DPH6: variants seen among roughly 807,000 people sequenced by gnomAD.
DPH6 encodes diphthine--ammonia ligase.
A neutral mutation model predicts 38.2 loss-of-function variants in DPH6; 33 were observed. The observed-to-expected ratio is 0.86, with a 90% CI of 0.65 to 1.15. The LOEUF (loss-of-function observed/expected upper bound fraction) is 1.15, where lower values mean the gene tolerates loss of function less well. Among genes scored for constraint, DPH6 ranks in the 50% most tolerant of loss-of-function variants. The probability of loss-of-function intolerance (pLI) is 0.00; values close to 1 mark genes in which losing one functional copy is unlikely to be tolerated. For missense variants in DPH6, 325 were observed against 320.0 expected, an observed-to-expected ratio of 1.02 and a Z score of -0.12; for synonymous variants, 108 against 103.0, an observed-to-expected ratio of 1.05 and a Z score of -0.30.
intron 3 of DPH6, among the ~76,000 whole-genome samples, chr15:35,344,968 T>C (rs72703134): frequency 0.034 from 5,181 of 151,946 alleles, 254 homozygotes; most frequent in African/African-American, 0.11. Flanking sequence ...GGGAGGAAAA[T>C]GTTTTTTATG....
At chr15:35,486,176 G>A (rs1224083257) in intron 3 of DPH6, among the ~76,000 whole-genome samples, 1 of 151,606 alleles carries the variant, frequency 6.6e-6, no homozygotes, top group Non-Finnish European at 1.5e-5. Flanking sequence ...GTGCAAGCAG[G>A]GGAAATGCCA....
intron 5 of DPH6, 36 bp from the exon 6 acceptor site, chr15:35,410,932 T>C (rs567243454): frequency 5.3e-5 from 84 of 1,581,864 alleles, no homozygotes; most frequent in Non-Finnish European, 5.8e-5. Context: ...AAGATAACTA[T>C]CAGATAGGAA....
chr15:35,378,506 TACTATAAAGAC>T (rs2052813062), intron 7 of DPH6, among the ~76,000 whole-genome samples: 1 of 152,210 alleles, frequency 6.6e-6, no homozygotes, highest in Non-Finnish European at 1.5e-5. Flanking sequence ...TAAATCATTC[TACTATAAAGAC>T]ACATGCACAT....
chr15:35,230,995 C>A (rs886297098), intron 3 of DPH6, among the ~76,000 whole-genome samples: 1 of 152,186 alleles, frequency 6.6e-6, no homozygotes, highest in African/African-American at 2.4e-5. Flanking sequence ...TGCCCGTACT[C>A]CCTTAGCTGT....
At chr15:35,234,516 C>A (rs957841845) in intron 3 of DPH6, among the ~76,000 whole-genome samples, 10 of 152,192 alleles carry the variant, frequency 6.6e-5, no homozygotes, top group African/African-American at 2.2e-4. Flanking sequence ...ACAATAAGAA[C>A]AAGAGATCAG....
At chr15:35,280,210 T>C (rs1237736590) in intron 3 of DPH6, among the ~76,000 whole-genome samples, 1 of 152,220 alleles carries the variant, frequency 6.6e-6, no homozygotes, top group Admixed American at 6.5e-5. Flanking sequence ...CTGGGTCTAG[T>C]TCCAATTCAT....
intron 3 of DPH6, among the ~76,000 whole-genome samples, chr15:35,455,860 T>C (rs764650276): frequency 6.6e-6 from 1 of 152,156 alleles, no homozygotes; most frequent in Non-Finnish European, 1.5e-5. Flanking sequence ...CTTACCAAAC[T>C]TGGACAACTA....
At chr15:35,258,238 G>A (rs1271231568) in intron 3 of DPH6, among the ~76,000 whole-genome samples, 1 of 152,118 alleles carries the variant, frequency 6.6e-6, no homozygotes, top group East Asian at 1.9e-4. Flanking sequence ...GGTAGGATTG[G>A]GGTCATATTA....
At chr15:35,482,026 T>A (rs1252237210) in intron 3 of DPH6, among the ~76,000 whole-genome samples, 4 of 152,108 alleles carry the variant, frequency 2.6e-5, no homozygotes, top group African/African-American at 9.7e-5. Flanking sequence ...GCTTTGAGAG[T>A]CTGTGGCATC....
chr15:35,360,747 T>C lies in DPH6; in HGVS notation n.207+12774A>G, dbSNP rs909634015. 3.3e-5 allele frequency among the ~76,000 whole-genome samples: 5 copies of C among 151,896 alleles called. No homozygotes were observed. The East Asian group carries it at 7.7e-4, about 24-fold the overall frequency. ...GGATGGCAGGACTGTCTCTGGGCTA[T>C]GGTAGATTGGGGGCATAGATGGGTG... On this transcript the variant is annotated intron_variant and non_coding_transcript_variant, in intron 3 of 3. Coordinates refer to the DPH6 transcript ENST00000558973.
At chr15:35,344,684 A>G (rs1403688362) in intron 3 of DPH6, among the ~76,000 whole-genome samples, 2 of 151,234 alleles carry the variant, frequency 1.3e-5, no homozygotes, top group Admixed American at 6.6e-5. Context: ...ATTATAAACA[A>G]AATAAAAAGT....
At chr15:35,448,050 CAG>C (rs1566913388) in intron 5 of DPH6, among the ~76,000 whole-genome samples, 1 of 152,008 alleles carries the variant, frequency 6.6e-6, no homozygotes, top group Non-Finnish European at 1.5e-5. Flanking sequence ...GGAGGTTTTC[CAG>C]TAATAGGTAA....
intron 6 of DPH6, among the ~76,000 whole-genome samples, chr15:35,400,221 A>C (rs924143566): frequency 2.0e-5 from 3 of 152,232 alleles, no homozygotes; most frequent in African/African-American, 7.2e-5. Context: ...ACTCAAGAGA[A>C]AAAATAAAAG....
chr15:35,296,486 C>G (rs993550957), intron 3 of DPH6, among the ~76,000 whole-genome samples: 1 of 152,152 alleles, frequency 6.6e-6, no homozygotes, highest in African/African-American at 2.4e-5. Flanking sequence ...CCTTCTTTAT[C>G]TGGCTCAGAT....
At chr15:35,437,605 G>C (rs2053734301) in intron 5 of DPH6, among the ~76,000 whole-genome samples, 2 of 152,148 alleles carry the variant, frequency 1.3e-5, no homozygotes, top group Non-Finnish European at 2.9e-5. Flanking sequence ...TATGAAAAAG[G>C]ATTTGTGAGG....
intron 4 of DPH6, among the ~76,000 whole-genome samples, chr15:35,452,321 T>C (rs1309314921): frequency 2.0e-5 from 3 of 152,180 alleles, no homozygotes; most frequent in South Asian, 2.1e-4. Flanking sequence ...CAATAAATGA[T>C]AGTCAAAGCC....
chr15:35,436,499 C>CAA (rs367633039), intron 5 of DPH6, among the ~76,000 whole-genome samples: 1 of 21,968 alleles, frequency 4.6e-5, no homozygotes, highest in African/African-American at 8.1e-5. Flanking sequence ...CAAAACAAAA[C>CAA]AAAACAAAAC....
intron 5 of DPH6, among the ~76,000 whole-genome samples, chr15:35,441,150 T>A (rs555203482): frequency 2.6e-5 from 4 of 152,288 alleles, no homozygotes; most frequent in African/African-American, 7.2e-5. Flanking sequence ...CTTTAAAAAG[T>A]CAGCAATCAA....
At chr15:35,436,383 G>C (rs993893213) in intron 5 of DPH6, among the ~76,000 whole-genome samples, 1 of 151,802 alleles carries the variant, frequency 6.6e-6, no homozygotes, top group Non-Finnish European at 1.5e-5. Context: ...GGAGAATGGC[G>C]TGAACCAGGG....
Sources: allele counts gnomAD v4.1 joint callset (sites outside exome capture counted in the v4.1 genomes callset), GRCh38; gene constraint gnomAD v4.1.1; transcripts MANE v1.5; gene names NCBI Gene and HGNC (gene_info 2026-07-23, HGNC 2026-07-21).